Variants in STK32A observed in about 807,000 individuals in gnomAD.
STK32A encodes the protein serine/threonine kinase 32A, also known as serine/threonine-protein kinase 32A.
In STK32A, 41 loss-of-function variants were observed where a neutral mutation model predicts 53.2. The observed-to-expected ratio is 0.77, with a 90% CI of 0.60 to 1.00. The LOEUF is 1.00. Ranked by LOEUF, STK32A falls within the 50% of genes least tolerant of loss-of-function variation. STK32A has a pLI of 0.00. For synonymous variants in STK32A, 166 were observed against 162.8 expected, an observed-to-expected ratio of 1.02 and a Z score of -0.15; for missense variants, 458 against 485.8, an observed-to-expected ratio of 0.94 and a Z score of 0.54.
intron 2 of STK32A, among the ~76,000 whole-genome samples, chr5:147,252,188 T>C (rs546833805): frequency 2.0e-5 from 3 of 152,222 alleles, no homozygotes; most frequent in Non-Finnish European, 4.4e-5. Context: ...ATTGTCATCA[T>C]CATTGTCACT....
intron 5 of STK32A, among the ~76,000 whole-genome samples, chr5:147,341,441 TC>T (rs1438613604): frequency 7.2e-5 from 11 of 152,146 alleles, no homozygotes; most frequent in Admixed American, 1.3e-4. Flanking sequence ...CAAGAAACCA[TC>T]CCTGACATCA....
chr5:147,328,385 A>G (rs1432117315), intron 5 of STK32A, among the ~76,000 whole-genome samples: 4 of 152,220 alleles, frequency 2.6e-5, no homozygotes, highest in Non-Finnish European at 4.4e-5. Flanking sequence ...TTAAAAATCC[A>G]TGGACTTGAA....
chr5:147,261,417 G>T (rs537181321), intron 2 of STK32A, among the ~76,000 whole-genome samples: 1 of 152,064 alleles, frequency 6.6e-6, no homozygotes, highest in African/African-American at 2.4e-5. Context: ...GGGTTAGACC[G>T]CACAAACTAA....
intron 7 of STK32A, among the ~76,000 whole-genome samples, chr5:147,352,954 G>T (rs1427056040): frequency 6.6e-6 from 1 of 152,184 alleles, no homozygotes; most frequent in Non-Finnish European, 1.5e-5. Flanking sequence ...GTGACTTCCT[G>T]AAAACACCAC....
intron 2 of STK32A, among the ~76,000 whole-genome samples, chr5:147,266,072 C>CAGT (rs1754795433): frequency 6.6e-6 from 1 of 152,192 alleles, no homozygotes; most frequent in Admixed American, 6.5e-5. Flanking sequence ...AATGTCAGCA[C>CAGT]CTTTCTGTTG....
chr5:147,318,736 A>G (rs946819493), intron 4 of STK32A, among the ~76,000 whole-genome samples: 1 of 151,274 alleles, frequency 6.6e-6, no homozygotes, highest in African/African-American at 2.4e-5. Flanking sequence ...TGACTGTGCC[A>G]CTGCACTGCA....
intron 5 of STK32A, among the ~76,000 whole-genome samples, chr5:147,338,502 C>T (rs1235330125): frequency 6.6e-6 from 1 of 151,998 alleles, no homozygotes; most frequent in African/African-American, 2.4e-5. Flanking sequence ...TGTAAAGATA[C>T]CCAAAAATGT....
the STK32A span, chr5:147,394,090 C>A: frequency 6.2e-7 from 1 of 1,614,164 alleles, no homozygotes; most frequent in Non-Finnish European, 8.5e-7. Context: ...GATGCGCTTG[C>A]TGGCTGAGCG....
chr5:147,260,945 G>A (rs10061768), intron 2 of STK32A, among the ~76,000 whole-genome samples: 5,027 of 152,250 alleles, frequency 0.033, 275 homozygotes, highest in African/African-American at 0.12. Flanking sequence ...GCACTTTACC[G>A]GCTGCCGCGG....
intron 2 of STK32A, among the ~76,000 whole-genome samples, chr5:147,265,505 A>G (rs565255531): frequency 6.6e-6 from 1 of 152,340 alleles, no homozygotes. Flanking sequence ...AAAGGTACAT[A>G]GATTATAGCA....
the STK32A span, chr5:147,401,968 A>C: frequency 7.5e-5 from 25 of 334,818 alleles, no homozygotes; most frequent in Non-Finnish European, 1.3e-4. Context: ...TTGAGGCAAA[A>C]GAAAATAAAA....
intron 9 of STK32A, among the ~76,000 whole-genome samples, 195 bp downstream of exon 9, chr5:147,370,965 A>G (rs891414757): frequency 2.0e-5 from 3 of 152,140 alleles, no homozygotes; most frequent in African/African-American, 7.2e-5. Flanking sequence ...TCCCAAAGCC[A>G]TCTTAAACTC....
In STK32A at chr5:147,384,779, C is replaced by T; in HGVS notation, c.*796C>T. ...AGCATGTTCCTTGAGGGCTAATTGT[C>T]CTCTGAAGATTAGCAGAGACCTGTA... On this transcript the variant is annotated 3_prime_UTR_variant, in exon 13 of 13. Transcript: ENST00000397936. 4.4e-6 allele frequency: 1 copy of T among 227,902 alleles called. No homozygotes were observed. The highest frequency in any genetic ancestry group is 8.5e-6 in the Non-Finnish European group (1 of 117,644). 14.1% of individuals were successfully genotyped at this position (227,902 alleles called of 1,614,324 possible).
At chr5:147,321,952 C>A (rs562867067) in intron 4 of STK32A, among the ~76,000 whole-genome samples, 1 of 152,212 alleles carries the variant, frequency 6.6e-6, no homozygotes, top group African/African-American at 2.4e-5. Context: ...GCCTTGCTTA[C>A]ATCCCACAAT....
At chr5:147,348,743 G>C in intron 6 of STK32A, 4 of 769,718 alleles carry the variant, frequency 5.2e-6, no homozygotes, top group Non-Finnish European at 9.7e-6. Flanking sequence ...TCAGGAGACC[G>C]AAGCCCAGGC....
At chr5:147,349,019 A>G (rs965608737) in intron 6 of STK32A, among the ~76,000 whole-genome samples, 1 of 152,232 alleles carries the variant, frequency 6.6e-6, no homozygotes, top group Non-Finnish European at 1.5e-5. Flanking sequence ...TCTTCACCAC[A>G]GTCTCCAGAC....
At chr5:147,262,604 A>G (rs917826806) in intron 2 of STK32A, among the ~76,000 whole-genome samples, 10 of 150,782 alleles carry the variant, frequency 6.6e-5, no homozygotes, top group Non-Finnish European at 1.2e-4. Flanking sequence ...AAAACAAAAC[A>G]AAAAAAAACA....
intron 1 of STK32A, among the ~76,000 whole-genome samples, chr5:147,237,109 G>A (rs753460062): frequency 1.1e-4 from 17 of 151,948 alleles, no homozygotes; most frequent in Non-Finnish European, 2.2e-4. Flanking sequence ...TCAGGAGATC[G>A]AGACCATCCT....
rs552079368 is a variant in STK32A, at chr5:147,316,681, C to T, written c.261-7217C>T. On this transcript the variant is annotated intron_variant, in intron 4 of 12. Coordinates refer to ENST00000397936, the MANE Select transcript of STK32A (RefSeq NM_001112724.2). ...GACCAGTCTGAGCAACATAGTAAGA[C>T]CCCATCTCTACAAAAAATTAAAATA... is the stretch of plus-strand genomic sequence containing the variant. Among the ~76,000 whole-genome samples, 13 of 151,920 alleles carry T rather than the reference C, an allele frequency of 8.6e-5. No homozygotes were observed. In the South Asian group the frequency reaches 2.7e-3, roughly 32 times the overall value.
Sources: allele counts gnomAD v4.1 joint callset (sites outside exome capture counted in the v4.1 genomes callset), GRCh38; gene constraint gnomAD v4.1.1; transcripts MANE v1.5; gene names NCBI Gene and HGNC (gene_info 2026-07-23, HGNC 2026-07-21).